Variants in SHANK2 observed in about 807,000 individuals in gnomAD.
SHANK2 encodes SH3 and multiple ankyrin repeat domains 2.
In SHANK2, 43 loss-of-function variants were observed where a neutral mutation model predicts 133.7. That is an observed-to-expected ratio of 0.32 (90% confidence interval 0.25 to 0.41). SHANK2 has a LOEUF of 0.41. Ranked by LOEUF, SHANK2 falls within the 10% of genes least tolerant of loss-of-function variation. The probability of loss-of-function intolerance (pLI) is 1.00; values close to 1 mark genes in which losing one functional copy is unlikely to be tolerated. For synonymous variants in SHANK2, 1,017 were observed against 952.8 expected, an observed-to-expected ratio of 1.07 and a Z score of -1.24; for missense variants, 1,994 against 2,235.8, an observed-to-expected ratio of 0.89 and a Z score of 2.18.
intron 15 of SHANK2, among the ~76,000 whole-genome samples, chr11:70,671,155 A>G (rs1944795822): frequency 1.3e-5 from 2 of 152,222 alleles, no homozygotes; most frequent in African/African-American, 4.8e-5. Flanking sequence ...TTTCCTGAGC[A>G]CTACCAGGCA....
At chr11:70,789,248 G>A (rs1947734777) in intron 14 of SHANK2, among the ~76,000 whole-genome samples, 1 of 152,114 alleles carries the variant, frequency 6.6e-6, no homozygotes, top group South Asian at 2.1e-4. Context: ...CAATTACGAG[G>A]CTCAAATGAG....
chr11:71,151,484 C>G (rs1388733093), intron 2 of SHANK2, among the ~76,000 whole-genome samples: 3 of 152,142 alleles, frequency 2.0e-5, no homozygotes, highest in African/African-American at 7.2e-5. Flanking sequence ...TGCGATGCCA[C>G]CCCCATTTCA....
intron 14 of SHANK2, among the ~76,000 whole-genome samples, chr11:70,700,784 G>A (rs1467530068): frequency 6.6e-6 from 1 of 152,216 alleles, no homozygotes; most frequent in African/African-American, 2.4e-5. Flanking sequence ...CGAAGGAGGA[G>A]CCCCAGGGTA....
intron 2 of SHANK2, among the ~76,000 whole-genome samples, chr11:71,160,309 T>C (rs1555109729): frequency 2.6e-5 from 4 of 152,172 alleles, no homozygotes. Context: ...CTGAACTGTC[T>C]CCCTCTAAAA....
chr11:71,151,772 C>A (rs782160737), intron 2 of SHANK2, among the ~76,000 whole-genome samples: 33 of 141,792 alleles, frequency 2.3e-4, no homozygotes, highest in Admixed American at 5.4e-4. Context: ...CAGATAACGT[C>A]TGACTGGCAA....
At chr11:71,093,863 A>C (rs531719685) in intron 7 of SHANK2, among the ~76,000 whole-genome samples, 14 of 152,338 alleles carry the variant, frequency 9.2e-5, no homozygotes, top group Non-Finnish European at 1.0e-4. Flanking sequence ...TTGGGGGTCA[A>C]CCTGCAGCGG....
At chr11:71,099,784 G>A (rs1951687531) in intron 6 of SHANK2, among the ~76,000 whole-genome samples, 2 of 152,156 alleles carry the variant, frequency 1.3e-5, no homozygotes, top group Admixed American at 1.3e-4. Context: ...TGTGTTCAGT[G>A]GCTCATGTCT....
At chr11:71,085,293 C>T (rs1176224160) in intron 8 of SHANK2, among the ~76,000 whole-genome samples, 6 of 150,980 alleles carry the variant, frequency 4.0e-5, no homozygotes, top group East Asian at 1.9e-4. Context: ...CCTGTCTCTA[C>T]TAAAAATACA....
At chr11:71,062,250 C>T (rs1950997126) in intron 9 of SHANK2, among the ~76,000 whole-genome samples, 1 of 152,146 alleles carries the variant, frequency 6.6e-6, no homozygotes, top group African/African-American at 2.4e-5. Flanking sequence ...GCCACTGCAC[C>T]CAGCCCAAGG....
At chr11:70,779,171 G>C (rs1591836594) in intron 14 of SHANK2, among the ~76,000 whole-genome samples, 3 of 151,866 alleles carry the variant, frequency 2.0e-5, no homozygotes, top group Admixed American at 1.3e-4. Flanking sequence ...CATGGAAGCT[G>C]GTCCTTAAAA....
chr11:71,201,394 G>A (rs1954017189), intron 2 of SHANK2, among the ~76,000 whole-genome samples: 1 of 152,232 alleles, frequency 6.6e-6, no homozygotes, highest in South Asian at 2.1e-4. Context: ...TGCCCGCCCG[G>A]AGATTGCGCC....
chr11:71,071,466 G>C (rs1311786686), intron 9 of SHANK2, among the ~76,000 whole-genome samples: 1 of 152,234 alleles, frequency 6.6e-6, no homozygotes. Flanking sequence ...TTCCTCTCAG[G>C]TGGACCCAAG....
At chr11:70,556,136 TC>T (rs1447274518) in intron 17 of SHANK2, among the ~76,000 whole-genome samples, 1 of 152,238 alleles carries the variant, frequency 6.6e-6, no homozygotes, top group Non-Finnish European at 1.5e-5. Context: ...TAGGTTAGCT[TC>T]TTTTGCTTAA....
intron 2 of SHANK2, among the ~76,000 whole-genome samples, chr11:71,170,519 A>G (rs1488461871): frequency 6.6e-6 from 1 of 152,226 alleles, no homozygotes; most frequent in Admixed American, 6.5e-5. Context: ...ACATTTTGCC[A>G]TCATGAAGGG....
At chr11:70,879,706 T>C (rs1331175091) in intron 11 of SHANK2, among the ~76,000 whole-genome samples, 1 of 152,208 alleles carries the variant, frequency 6.6e-6, no homozygotes, top group African/African-American at 2.4e-5. Flanking sequence ...CCAAAGGCCA[T>C]GCGGGGCCCC....
Position 70,470,836 on chromosome 11 carries a change from G to C in SHANK2, c.*2033C>G, listed in dbSNP as rs543478057. ...AAAACTTGGTTCCAACATCAGGGGTGTGTGACTGGAAAAGCGCGTGTGTGT... is the reference window on the plus strand; with the variant it reads ...AAAACTTGGTTCCAACATCAGGGGTCTGTGACTGGAAAAGCGCGTGTGTGT... On this transcript the variant is annotated 3_prime_UTR_variant, in exon 26 of 26. Transcript: ENST00000601538. The C allele has an allele frequency of 6.5e-6, 1 of 154,348 alleles. No homozygotes were observed. Among genetic ancestry groups the C allele is most frequent in the African/African-American group, 2.4e-5 (1 of 41,690 alleles). The allele number at this position is 154,348 out of a possible 1,614,324, so 9.6% of individuals were successfully genotyped here.
intron 2 of SHANK2, among the ~76,000 whole-genome samples, chr11:71,206,773 A>C (rs11826026): frequency 6.6e-6 from 1 of 151,826 alleles, no homozygotes; most frequent in African/African-American, 2.4e-5. Flanking sequence ...GGCAACTACA[A>C]AAAATAAAAG....
intron 17 of SHANK2, among the ~76,000 whole-genome samples, chr11:70,627,759 A>G (rs2060924038): frequency 6.6e-6 from 1 of 152,170 alleles, no homozygotes; most frequent in African/African-American, 2.4e-5. Context: ...TTTGTGCATG[A>G]AACAGTTTTC....
In SHANK2 at chr11:70,924,228, C is replaced by T. The variant is rs373070107; in HGVS notation, c.1108-27661G>A. Among the ~76,000 whole-genome samples the T allele has an allele frequency of 1.1e-3, 171 of 152,232 alleles. 2 individuals carry two copies. The highest frequency in any genetic ancestry group is 3.9e-3 in the African/African-American group (163 of 41,538). On this transcript the variant is annotated intron_variant, in intron 10 of 25. Coordinates refer to ENST00000601538, the MANE Select transcript of SHANK2 (RefSeq NM_012309.5). Reference sequence around the variant, plus strand: ...CCCTCCTGACGGTACAGATACTGACCGGCCTGACCTGCCATATTGAGGACA... The same window carrying T: ...CCCTCCTGACGGTACAGATACTGACTGGCCTGACCTGCCATATTGAGGACA...
Sources: allele counts gnomAD v4.1 joint callset (sites outside exome capture counted in the v4.1 genomes callset), GRCh38; gene constraint gnomAD v4.1.1; transcripts MANE v1.5; gene names NCBI Gene and HGNC (gene_info 2026-07-23, HGNC 2026-07-21).